Variants in UBA1 observed in about 807,000 individuals in gnomAD.
The protein encoded by UBA1 is ubiquitin-like modifier-activating enzyme 1.
UBA1 carries 4 observed loss-of-function variants against 84.7 expected under a neutral mutation model. That is an observed-to-expected ratio of 0.05 (90% confidence interval 0.02 to 0.11). The LOEUF is 0.11. UBA1 is among the 10% of genes least tolerant of loss of function. UBA1 has a pLI of 1.00. For missense variants in UBA1, 513 were observed against 902.8 expected (o/e 0.57, Z 5.53); for synonymous variants, 364 against 362.6 (o/e 1.00, Z -0.04).
intron 18 of UBA1, 86 bp downstream of exon 18, chrX:47,210,209 C>A: frequency 9.5e-7 from 1 of 1,055,083 alleles, no homozygotes; most frequent in Non-Finnish European, 1.3e-6. Flanking sequence ...CTGTGGAGTC[C>A]AGCTGTGGCA....
chrX:47,201,063 A>G (rs1226021034), intron 6 of UBA1, 63 bp downstream of exon 6: 1 of 1,017,422 alleles, frequency 9.8e-7, no homozygotes, highest in African/African-American at 1.9e-5. Context: ...AGCCCAGGCC[A>G]AGACTCTAGG....
chrX:47,194,390 A>G (rs1247975586), intron 1 of UBA1, among the ~76,000 whole-genome samples: 2 of 112,242 alleles, frequency 1.8e-5, no homozygotes, highest in East Asian at 5.6e-4. Flanking sequence ...AGAGCTCCTC[A>G]CCATTGAATG....
upstream of UBA1, among the ~76,000 whole-genome samples, chrX:47,191,920 G>A (rs1936070511): frequency 8.9e-6 from 1 of 111,857 alleles, no homozygotes; most frequent in Non-Finnish European, 1.9e-5. Flanking sequence ...TTATGGCCTG[G>A]TAATCCCAGA....
rs782075261 is a variant in UBA1, at chrX:47,213,189, C to T, written c.2838+8C>T. On this transcript the variant is annotated splice_region_variant and intron_variant, in intron 23 of 25. Transcript: ENST00000335972. ...GCCGCACCACGTCACCAGGTGGGGG[C>T]CTGCATCCGAAGCAGGGTTTGGGTG... 1 of 1,208,260 alleles carries T rather than the reference C, an allele frequency of 8.3e-7. No homozygotes were observed. The highest frequency in any genetic ancestry group is 1.8e-5 in the South Asian group (1 of 56,823).
At chrX:47,202,916 A>AC (rs782138715) in intron 11 of UBA1, 27 bp from the exon 12 acceptor site, 1 of 1,199,968 alleles carries the variant, frequency 8.3e-7, no homozygotes, top group East Asian at 3.0e-5. Context: ...ACCACTGACC[A>AC]CCCCCTCTCT....
intron 13 of UBA1, 49 bp from the exon 14 acceptor site, chrX:47,203,492 C>T: frequency 8.3e-7 from 1 of 1,204,122 alleles, no homozygotes; most frequent in Non-Finnish European, 1.1e-6. Context: ...TTCACACTAA[C>T]CTGCATCACC....
intron 14 of UBA1, 52 bp from the exon 15 acceptor site, chrX:47,205,896 G>A: frequency 8.6e-7 from 1 of 1,164,197 alleles, no homozygotes; most frequent in South Asian, 1.9e-5. Context: ...ACAAATAAGT[G>A]AGCTTTGTTC....
rs139697760 is a variant in UBA1 at position 47,214,545 on chromosome X, C to T, written c.2949C>T (p.His983=). Residue 983 remains histidine, a synonymous_variant, in exon 25 of 26, where the codon CAC becomes CAT. Coordinates refer to ENST00000335972, the MANE Select transcript of UBA1 (RefSeq NM_003334.4). ...KQFLDYFKTE[H]KLEITMLSQG... ...TCCCCCTCCCTCTCCAGACAGAGCACAAATTAGAGATCACCATGCTGTCCC... is the reference window on the plus strand; with the variant it reads ...TCCCCCTCCCTCTCCAGACAGAGCATAAATTAGAGATCACCATGCTGTCCC... The T allele has an allele frequency of 2.5e-6, 3 of 1,209,037 alleles. No homozygotes were observed. The highest frequency in any genetic ancestry group is 3.4e-6 in the Non-Finnish European group (3 of 894,555).
upstream of UBA1, among the ~76,000 whole-genome samples, chrX:47,192,519 TATA>T (rs1238866162): frequency 9.0e-6 from 1 of 111,105 alleles, no homozygotes; most frequent in Non-Finnish European, 1.9e-5. Flanking sequence ...TATATTAATA[TATA>T]ATATTTTAAA....
At chrX:47,209,346 G>T (rs1556792539) in intron 16 of UBA1, 2 of 446,722 alleles carry the variant, frequency 4.5e-6, no homozygotes, top group East Asian at 7.5e-5. Flanking sequence ...TAGAGATGGG[G>T]TTTCACCATG....
chrX:47,201,201 ACTACAT>A, intron 6 of UBA1, 69 bp from the exon 7 acceptor site: 1 of 982,335 alleles, frequency 1.0e-6, no homozygotes, highest in Non-Finnish European at 1.4e-6. Flanking sequence ...GCAAGTTTTC[ACTACAT>A]CTTGAGGGAC....
At chrX:47,195,325 C>A (rs1049207257) in intron 1 of UBA1, among the ~76,000 whole-genome samples, 1 of 111,471 alleles carries the variant, frequency 9.0e-6, no homozygotes, top group Non-Finnish European at 1.9e-5. Context: ...TCTCAGCTCA[C>A]TGCAACCTCC....
At chrX:47,194,466 G>A (rs1936128582) in intron 1 of UBA1, among the ~76,000 whole-genome samples, 1 of 112,357 alleles carries the variant, frequency 8.9e-6, no homozygotes, top group Non-Finnish European at 1.9e-5. Context: ...TTGTCCTCAA[G>A]GCTTCCAGGA....
At position 47,209,609 on chromosome X, in the gene UBA1, T is replaced by A. The variant is rs781913871; in HGVS notation, c.1939-14T>A. The A allele has an allele frequency of 4.9e-5, 59 of 1,208,467 alleles. 1 individual carries two copies. The East Asian group carries it at 1.1e-3, about 22-fold the overall frequency. The stretch of plus-strand genomic sequence containing the variant: ...CAACTGTGGCCACATGTAATCTGTT[T>A]GCTCTGTCTGCAGTGGGCTCGGGAT... On this transcript the variant is annotated splice_polypyrimidine_tract_variant and intron_variant, in intron 16 of 25. Coordinates refer to ENST00000335972, the MANE Select transcript of UBA1 (RefSeq NM_003334.4).
In UBA1 at chrX:47,197,947, T is replaced by C. The variant is rs141416355; in HGVS notation, c.1-856T>C. The C allele has an allele frequency of 2.1e-3, 1,750 of 824,254 alleles. 23 individuals carry two copies. The African/African-American group carries it at 0.035, about 16-fold the overall frequency. 67.9% of individuals were successfully genotyped at this position (824,254 alleles called of 1,213,427 possible). A position where few individuals can be genotyped will look rare whatever the true frequency, so the allele number is the denominator to read the frequency against. On this transcript the variant is annotated intron_variant, in intron 1 of 25. Coordinates refer to ENST00000335972, the MANE Select transcript of UBA1 (RefSeq NM_003334.4). ...ACGAGGTTTAGAGAAGTGCTTACTA[T>C]GGCATCTGGCACAAGGAGGACTCCT...
chrX:47,213,333 A>G (rs1937010280), intron 23 of UBA1, 152 bp downstream of exon 23: 1 of 613,790 alleles, frequency 1.6e-6, no homozygotes, highest in African/African-American at 2.3e-5. Context: ...TAATCACATT[A>G]TTTGAGTACG....
At position 47,214,313 on chromosome X, in the gene UBA1, T is replaced by C; in HGVS notation, c.2839-14T>C. 1 of 1,206,904 alleles carries C rather than the reference T, an allele frequency of 8.3e-7. No individual in the cohort carries two copies. Among genetic ancestry groups the C allele is most frequent in the Non-Finnish European group, 1.1e-6 (1 of 891,264 alleles). ...GGATGGTCTCCATCTTACACTCCCCTCTTTGTCTTGCAGTACTATAACCAA... is the reference window on the plus strand; with the variant it reads ...GGATGGTCTCCATCTTACACTCCCCCCTTTGTCTTGCAGTACTATAACCAA... On this transcript the variant is annotated splice_polypyrimidine_tract_variant and intron_variant, in intron 23 of 25. Coordinates refer to ENST00000335972, the MANE Select transcript of UBA1 (RefSeq NM_003334.4).
intron 6 of UBA1, 21 bp from the exon 7 acceptor site, chrX:47,201,255 C>A: frequency 8.4e-7 from 1 of 1,186,085 alleles, no homozygotes; most frequent in Non-Finnish European, 1.1e-6. Context: ...CAGGCACCAG[C>A]CCTATTGCTT....
chrX:47,202,594 CTG>C (rs1392053553), intron 10 of UBA1, 42 bp from the exon 11 acceptor site: 2 of 1,208,606 alleles, frequency 1.7e-6, no homozygotes, highest in Non-Finnish European at 2.2e-6. Context: ...CCTGCCCTCA[CTG>C]TGGCCTGACA....
Sources: allele counts gnomAD v4.1 joint callset (sites outside exome capture counted in the v4.1 genomes callset), GRCh38; gene constraint gnomAD v4.1.1; transcripts MANE v1.5; gene names NCBI Gene and HGNC (gene_info 2026-07-23, HGNC 2026-07-21).